Variants in MED12L observed in about 807,000 individuals in gnomAD.
MED12L encodes the protein mediator complex subunit 12L, also known as mediator of RNA polymerase II transcription subunit 12-like protein.
MED12L carries 60 observed loss-of-function variants against 281.3 expected under a neutral mutation model. That is an observed-to-expected ratio of 0.21 (90% CI 0.17 to 0.26). The LOEUF is 0.26. Ranked by LOEUF, MED12L falls within the 10% of genes least tolerant of loss-of-function variation. The pLI, the probability that MED12L is intolerant of heterozygous loss-of-function variation, is 1.00. For synonymous variants in MED12L, 974 were observed against 987.2 expected, an observed-to-expected ratio of 0.99 and a Z score of 0.25; for missense variants, 2,146 against 2,680.9, an observed-to-expected ratio of 0.80 and a Z score of 4.41.
chr3:151,426,410 ATCCC>A (rs1275861220), intron 43 of MED12L, among the ~76,000 whole-genome samples: 2 of 152,194 alleles, frequency 1.3e-5, no homozygotes, highest in African/African-American at 4.8e-5. Flanking sequence ...GGCAGCCCTC[ATCCC>A]CTAGTGGTAG....
intron 16 of MED12L, among the ~76,000 whole-genome samples, chr3:151,326,107 A>G (rs113558962): frequency 0.018 from 2,696 of 152,308 alleles, 45 homozygotes; most frequent in Middle Eastern, 0.041. Context: ...GGATTTGGCT[A>G]TTCCATGATC....
intron 16 of MED12L, among the ~76,000 whole-genome samples, chr3:151,304,651 G>A (rs1746401764): frequency 6.6e-6 from 1 of 151,900 alleles, no homozygotes; most frequent in South Asian, 2.1e-4. Flanking sequence ...GCACCGTGGT[G>A]GAGTGTATAG....
intron 43 of MED12L, among the ~76,000 whole-genome samples, chr3:151,416,629 G>T (rs1717587359): frequency 6.6e-6 from 1 of 152,100 alleles, no homozygotes; most frequent in Non-Finnish European, 1.5e-5. Context: ...GGATTCAGTA[G>T]GTTATACCAT....
intron 16 of MED12L, among the ~76,000 whole-genome samples, chr3:151,254,182 T>C (rs368780927): frequency 6.6e-6 from 1 of 152,344 alleles, no homozygotes; most frequent in South Asian, 2.1e-4. Flanking sequence ...GTATTTCTTA[T>C]GTAACTGGAG....
chr3:151,320,559 T>C (rs1748877521), intron 16 of MED12L, among the ~76,000 whole-genome samples: 1 of 152,216 alleles, frequency 6.6e-6, no homozygotes, highest in African/African-American at 2.4e-5. Flanking sequence ...TGGGTCCCTA[T>C]GCTTGAATTA....
At chr3:151,115,338 T>C (rs1712576625) in intron 2 of MED12L, among the ~76,000 whole-genome samples, 2 of 36,642 alleles carry the variant, frequency 5.5e-5, no homozygotes, top group East Asian at 1.1e-3. Context: ...TTTTTTTTTT[T>C]TTTTTTTTTT....
At chr3:151,135,061 C>T (rs1715947638) in intron 5 of MED12L, among the ~76,000 whole-genome samples, 1 of 152,198 alleles carries the variant, frequency 6.6e-6, no homozygotes, top group African/African-American at 2.4e-5. Context: ...GGAGTCTCCT[C>T]TGTTGCTCAG....
intron 43 of MED12L, among the ~76,000 whole-genome samples, chr3:151,417,548 C>A (rs62285924): frequency 0.16 from 20,462 of 127,346 alleles, 2,031 homozygotes; most frequent in East Asian, 0.47. Context: ...GAGTGCAGTG[C>A]GATCTCAGCT....
At chr3:151,097,658 C>G (rs373567802) in intron 2 of MED12L, among the ~76,000 whole-genome samples, 8 of 152,314 alleles carry the variant, frequency 5.3e-5, no homozygotes, top group African/African-American at 1.9e-4. Flanking sequence ...TCTCTCTCCT[C>G]AGGATGTTGG....
chr3:151,310,156 A>AAAGTCAGCCAGGT (rs1177068188), intron 16 of MED12L, among the ~76,000 whole-genome samples: 2 of 152,228 alleles, frequency 1.3e-5, no homozygotes, highest in Non-Finnish European at 2.9e-5. Context: ...GTCAGTGAGG[A>AAAGTCAGCCAGGT]AAGTCAGCCA....
At chr3:151,263,075 G>A (rs1163536658) in intron 16 of MED12L, among the ~76,000 whole-genome samples, 1 of 152,168 alleles carries the variant, frequency 6.6e-6, no homozygotes, top group African/African-American at 2.4e-5. Flanking sequence ...AGAGACCCAT[G>A]TAGGAGTACA....
intron 16 of MED12L, among the ~76,000 whole-genome samples, chr3:151,343,728 C>T (rs1171765414): frequency 6.6e-6 from 1 of 152,020 alleles, no homozygotes; most frequent in Non-Finnish European, 1.5e-5. Flanking sequence ...GAAAAATGAA[C>T]AGAATTTTTA....
intron 16 of MED12L, among the ~76,000 whole-genome samples, chr3:151,320,358 C>T (rs913841746): frequency 8.5e-5 from 13 of 152,124 alleles, no homozygotes; most frequent in Non-Finnish European, 1.8e-4. Flanking sequence ...CTTGAATGCC[C>T]GTGTTGGTCT....
rs183670934 is a variant in MED12L, at chr3:151,159,339, C to G, written c.838-493C>G. On this transcript the variant is annotated intron_variant, in intron 7 of 44. Coordinates refer to ENST00000687756, the MANE Select transcript of MED12L (RefSeq NM_001393769.1). The stretch of plus-strand genomic sequence containing the variant: ...GAATATCCAGTGAACAGCACTTCTC[C>G]CTTTCACTCTCATACCCTCCCCACA... 3.5e-3 allele frequency among the ~76,000 whole-genome samples: 539 copies of G among 152,244 alleles called. 1 individual carries two copies. The highest frequency in any genetic ancestry group is 0.01 in the Middle Eastern group (3 of 294).
chr3:151,111,900 C>T (rs890545624), intron 2 of MED12L, among the ~76,000 whole-genome samples: 1 of 152,100 alleles, frequency 6.6e-6, no homozygotes, highest in African/African-American at 2.4e-5. Flanking sequence ...CTTCAGTGCG[C>T]GGATGGGTGG....
intron 13 of MED12L, among the ~76,000 whole-genome samples, chr3:151,189,103 A>G (rs185030441): frequency 6.6e-6 from 1 of 152,194 alleles, no homozygotes; most frequent in African/African-American, 2.4e-5. Context: ...AACAGGGAGG[A>G]TCTTAAGGTA....
At chr3:151,272,333 A>T (rs1304055698) in intron 16 of MED12L, among the ~76,000 whole-genome samples, 1 of 152,222 alleles carries the variant, frequency 6.6e-6, no homozygotes, top group East Asian at 1.9e-4. Flanking sequence ...TTTTGGACAA[A>T]TAAACATAAA....
At chr3:151,092,556 T>C (rs565027754) in intron 2 of MED12L, among the ~76,000 whole-genome samples, 1 of 152,388 alleles carries the variant, frequency 6.6e-6, no homozygotes, top group South Asian at 2.1e-4. Context: ...TTTATTTTGG[T>C]AACTCCTGTT....
At chr3:151,366,578 A>G (rs1434174763) in intron 23 of MED12L, among the ~76,000 whole-genome samples, 3 of 152,128 alleles carry the variant, frequency 2.0e-5, no homozygotes, top group African/African-American at 7.2e-5. Flanking sequence ...TTCTTTAAAA[A>G]TCTGTCTTGA....
Sources: gnomAD v4.1 joint callset for allele counts (sites outside exome capture counted in the v4.1 genomes callset) on GRCh38, gnomAD v4.1.1 for gene constraint, MANE v1.5 for transcripts, NCBI Gene and HGNC (gene_info 2026-07-23, HGNC 2026-07-21) for gene names.